The following ANKRD30B variants were observed in gnomAD, a reference collection of about 807,000 sequenced individuals.
The protein encoded by ANKRD30B is ankyrin repeat domain-containing protein 30B.
ANKRD30B carries 144 observed loss-of-function variants against 202.2 expected under a neutral mutation model. The ratio of observed to expected loss-of-function variants is 0.71; its 90% confidence interval spans 0.62 to 0.82. The LOEUF is 0.82. Ranked by LOEUF, ANKRD30B falls within the 40% of genes least tolerant of loss-of-function variation. ANKRD30B has a pLI of 0.00. For synonymous variants in ANKRD30B, 508 were observed against 561.3 expected (o/e 0.91, Z 1.34); for missense variants, 1,487 against 1,669.1 (o/e 0.89, Z 1.90).
At chr18:14,845,251 C>G (rs1971584452) in intron 39 of ANKRD30B, among the ~76,000 whole-genome samples, 1 of 151,800 alleles carries the variant, frequency 6.6e-6, no homozygotes, top group Non-Finnish European at 1.5e-5. Flanking sequence ...TTTAATCCAT[C>G]TTGAGTTAAT....
intron 32 of ANKRD30B, among the ~76,000 whole-genome samples, chr18:14,824,027 T>G (rs940014693): frequency 2.6e-5 from 4 of 152,128 alleles, no homozygotes; most frequent in African/African-American, 9.7e-5. Context: ...ATGTGTGTGG[T>G]TCTAGACTAT....
chr18:14,805,369 T>A (rs1269755124), intron 24 of ANKRD30B, among the ~76,000 whole-genome samples: 2 of 151,066 alleles, frequency 1.3e-5, no homozygotes, highest in Non-Finnish European at 3.0e-5. Flanking sequence ...AATACATCAA[T>A]ATTGAGGGCC....
intron 8 of ANKRD30B, among the ~76,000 whole-genome samples, chr18:14,770,991 C>G (rs1199673922): frequency 6.6e-6 from 1 of 152,138 alleles, no homozygotes; most frequent in Non-Finnish European, 1.5e-5. Flanking sequence ...TCCCCTTTGT[C>G]TCTTTTCCCA....
downstream of ANKRD30B, among the ~76,000 whole-genome samples, chr18:14,855,074 C>T (rs1013632774): frequency 3.3e-5 from 5 of 151,958 alleles, no homozygotes; most frequent in Non-Finnish European, 5.9e-5. Flanking sequence ...TGTTTGTGTC[C>T]CTGGGTACTT....
chr18:14,871,740 A>G, the ANKRD30B span, among the ~76,000 whole-genome samples: 4 of 152,096 alleles, frequency 2.6e-5, no homozygotes, highest in Admixed American at 6.5e-5. Context: ...AAAAAAAAAT[A>G]TTAAAAATTA....
chr18:14,825,314 A>G (rs2144131507), intron 32 of ANKRD30B: 1 of 152,320 alleles, frequency 6.6e-6, no homozygotes, highest in East Asian at 1.9e-4. Context: ...AGTGCAGCTA[A>G]GGGGTTCTGC....
chr18:14,760,615 C>T lies in ANKRD30B; in HGVS notation c.817C>T (p.Pro273Ser), dbSNP rs200679274. ...ACCTAAAAATCCTCAAAATACCAATCCAGGTAAGACTTCGGATAGCAAACT... is the reference window on the plus strand; with the variant it reads ...ACCTAAAAATCCTCAAAATACCAATTCAGGTAAGACTTCGGATAGCAAACT... ...KLPKNPQNTN[P>S]EGTSTGTPDE... is the part of the protein sequence containing the mutation. Residue 273 changes from proline to serine, a missense_variant, in exon 6 of 44, where the codon CCA becomes TCA. Around this residue, in one of 6 missense-constraint regions of ANKRD30B, gnomAD observed 889 missense variants for 841.4 expected, o/e 1.06. Coordinates refer to ENST00000690538, the MANE Select transcript of ANKRD30B (RefSeq NM_001367607.2). 145 of 1,532,238 alleles carry T rather than the reference C, an allele frequency of 9.5e-5. No homozygotes were observed. Among genetic ancestry groups the T allele is most frequent in the Admixed American group, 2.1e-4 (10 of 48,576 alleles). 94.9% of individuals were successfully genotyped at this position (1,532,238 alleles called of 1,614,324 possible).
In ANKRD30B at chr18:14,753,025, C is replaced by A; in HGVS notation, c.510+13C>A. On this transcript the variant is annotated intron_variant, in intron 3 of 43. Transcript: ENST00000690538. ...GGTGCAAAACAAGGTAGACATTAAC[C>A]AATGTTATTTTCAAAATATTTGAAA... 1 of 1,545,806 alleles carries A rather than the reference C, an allele frequency of 6.5e-7. No homozygotes were observed. The highest frequency in any genetic ancestry group is 1.2e-5 in the South Asian group (1 of 81,884).
intron 33 of ANKRD30B, among the ~76,000 whole-genome samples, chr18:14,828,776 G>C (rs1340727657): frequency 6.6e-6 from 1 of 152,220 alleles, no homozygotes; most frequent in Non-Finnish European, 1.5e-5. Context: ...AACCGTTAAA[G>C]TGGTAACCAG....
chr18:14,851,704 A>G lies in ANKRD30B; in HGVS notation c.3760A>G (p.Lys1254Glu). Residue 1254 changes from lysine (K) to glutamate (E), a missense_variant, in exon 42 of 44, where the codon AAA becomes GAA. By Grantham distance (56) the Lys-to-Glu change is moderately conservative (BLOSUM62 1). This residue lies in a region of ANKRD30B where 177 missense variants were observed against 216.4 expected (regional missense o/e 0.82). Transcript: ENST00000690538. ...TCAAATGACCCTAAAACTGAAACAGAAAACAGTAACAAAAAGGGCATCTCA... is the reference window on the plus strand; with the variant it reads ...TCAAATGACCCTAAAACTGAAACAGGAAACAGTAACAAAAAGGGCATCTCA... The part of the protein sequence containing the change: ...ELQMTLKLKQ[K>E]TVTKRASQYR... 6.2e-7 allele frequency: 1 copy of G among 1,611,156 alleles called. No individual in the cohort carries two copies. The highest frequency in any genetic ancestry group is 8.5e-7 in the Non-Finnish European group (1 of 1,178,802).
At chr18:14,849,408 C>T (rs12457328) in intron 40 of ANKRD30B, among the ~76,000 whole-genome samples, 79,542 of 151,280 alleles carry the variant, frequency 0.53, 21,098 homozygotes, top group African/African-American at 0.55. Context: ...CAGTGTGAAA[C>T]GGCCATTCTT....
At chr18:14,817,292 T>A (rs1177526620) in intron 30 of ANKRD30B, among the ~76,000 whole-genome samples, 1 of 152,180 alleles carries the variant, frequency 6.6e-6, no homozygotes, top group Admixed American at 6.5e-5. Context: ...CCATTACAAA[T>A]GTGGCTCACT....
chr18:14,809,514 A>G (rs1396093999), intron 26 of ANKRD30B, among the ~76,000 whole-genome samples: 1 of 150,762 alleles, frequency 6.6e-6, no homozygotes, highest in African/African-American at 2.5e-5. Flanking sequence ...TCATAGCACT[A>G]TCTTATCCAT....
intron 32 of ANKRD30B, among the ~76,000 whole-genome samples, chr18:14,827,350 T>A (rs1001827473): frequency 6.6e-6 from 1 of 152,164 alleles, no homozygotes; most frequent in Non-Finnish European, 1.5e-5. Flanking sequence ...ACATTTAATA[T>A]TTTTGGACTA....
chr18:14,773,926 T>A (rs1459872695), intron 9 of ANKRD30B, among the ~76,000 whole-genome samples: 1 of 152,180 alleles, frequency 6.6e-6, no homozygotes, highest in Non-Finnish European at 1.5e-5. Context: ...AGTGCTGGGA[T>A]TACAGCTTGA....
At chr18:14,885,565 G>C in the ANKRD30B span, among the ~76,000 whole-genome samples, 2 of 151,968 alleles carry the variant, frequency 1.3e-5, no homozygotes, top group East Asian at 1.9e-4. Flanking sequence ...GTAGAAAATA[G>C]TGAGGGGCAC....
Position 14,847,572 on chromosome 18 carries a change from A to G in ANKRD30B, c.3182-1144A>G, listed in dbSNP as rs372405055. Among the ~76,000 whole-genome samples the G allele has an allele frequency of 9.0e-3, 1,190 of 131,822 alleles. 6 individuals are homozygous for G. The highest frequency in any genetic ancestry group is 0.014 in the Non-Finnish European group (881 of 61,430). The allele number at this position is 131,822 out of a possible 152,430, so 86.5% of individuals were successfully genotyped here. Reference sequence around the variant, plus strand: ...ACTCAGTGTAGCTTTCATCTGCAGCATTGTAACTTGTATCTCTAGAAGTGC... The same window carrying G: ...ACTCAGTGTAGCTTTCATCTGCAGCGTTGTAACTTGTATCTCTAGAAGTGC... On this transcript the variant is annotated intron_variant, in intron 39 of 43. Coordinates refer to ENST00000690538, the MANE Select transcript of ANKRD30B (RefSeq NM_001367607.2).
At chr18:14,865,025 G>A in the ANKRD30B span, among the ~76,000 whole-genome samples, 4,469 of 148,884 alleles carry the variant, frequency 0.03, 222 homozygotes, top group African/African-American at 0.11. Flanking sequence ...CATCTACCCC[G>A]AACTATTTTC....
At chr18:14,871,219 C>A in the ANKRD30B span, among the ~76,000 whole-genome samples, 2 of 90,066 alleles carry the variant, frequency 2.2e-5, no homozygotes, top group African/African-American at 8.6e-5. Flanking sequence ...GCTGCACCCC[C>A]ACCCCACCCT....
Sources: allele counts gnomAD v4.1 joint callset (sites outside exome capture counted in the v4.1 genomes callset), GRCh38; gene constraint gnomAD v4.1.1; regional missense constraint gnomAD v4.1.1; transcripts MANE v1.5; gene names NCBI Gene and HGNC (gene_info 2026-07-23, HGNC 2026-07-21).